INO80: variants seen among roughly 807,000 people sequenced by gnomAD.
The protein encoded by INO80 is INO80 complex ATPase subunit.
Under a neutral mutation model 203.4 loss-of-function variants are expected in INO80, and 20 were observed. The observed-to-expected ratio is 0.10, with a 90% confidence interval of 0.07 to 0.14. The LOEUF (loss-of-function observed/expected upper bound fraction) is 0.14. INO80 is among the 10% of genes least tolerant of loss of function. INO80 has a pLI of 1.00. For synonymous variants in INO80, 726 were observed against 685.2 expected (o/e 1.06, Z -0.93); for missense variants, 1,419 against 1,914.4 (o/e 0.74, Z 4.83).
chr15:40,980,416 T>C lies in INO80; in HGVS notation c.4478A>G (p.Gln1493Arg). Reference protein sequence around the residue: ...SKGISASSPLQTSLVRPAGLA... With the variant: ...SKGISASSPLRTSLVRPAGLA... ...GCCAGCAGGCCGAACAAGGGATGTC[T>C]GCAGAGGACTGCTGGCGGAGATTCC... The change falls in exon 36 of 36, where the codon CAG (glutamine) becomes CGG (arginine). Residue 1493 changes from glutamine (Q) to arginine (R), a missense_variant. Physicochemically the swap from Gln to Arg is conservative, Grantham distance 43. Coordinates refer to ENST00000648947, the MANE Select transcript of INO80 (RefSeq NM_017553.3). 6.2e-7 allele frequency: 1 copy of C among 1,613,422 alleles called. No individual in the cohort carries two copies. The highest frequency in any genetic ancestry group is 8.5e-7 in the Non-Finnish European group (1 of 1,179,932).
chr15:41,077,428 C>G (rs1361480997), intron 9 of INO80, among the ~76,000 whole-genome samples: 7 of 149,564 alleles, frequency 4.7e-5, no homozygotes, highest in Non-Finnish European at 3.0e-5. Context: ...GTAAAACTAT[C>G]CTGTCTCTTT....
intron 23 of INO80, among the ~76,000 whole-genome samples, chr15:41,047,045 G>A (rs553510873): frequency 6.6e-6 from 1 of 151,732 alleles, no homozygotes; most frequent in East Asian, 1.9e-4. Flanking sequence ...TCAGCTCACG[G>A]CAACCTCCAC....
chr15:41,061,954 C>G (rs1435210379), intron 14 of INO80, among the ~76,000 whole-genome samples: 3 of 152,130 alleles, frequency 2.0e-5, no homozygotes, highest in South Asian at 2.1e-4. Flanking sequence ...TTTTCTTTCT[C>G]CTTATCCCTG....
At position 41,016,232 on chromosome 15, in the gene INO80, G is replaced by C. The variant is rs973833176; in HGVS notation, c.3275-17C>G. The C allele has an allele frequency of 1.9e-6, 3 of 1,611,662 alleles. No homozygotes were observed. Among genetic ancestry groups the C allele is most frequent in the Non-Finnish European group, 2.5e-6 (3 of 1,178,944 alleles). On this transcript the variant is annotated splice_polypyrimidine_tract_variant and intron_variant, in intron 26 of 35. Coordinates refer to ENST00000648947, the MANE Select transcript of INO80 (RefSeq NM_017553.3). ...TCTCCTTGCCTGGGGAGAAGAAAAGGGGGTGAGGGGGAACTGTATTTAATT... is the reference window on the plus strand; with the variant it reads ...TCTCCTTGCCTGGGGAGAAGAAAAGCGGGTGAGGGGGAACTGTATTTAATT...
At chr15:41,065,079 G>A (rs184776509) in intron 14 of INO80, among the ~76,000 whole-genome samples, 16 of 152,218 alleles carry the variant, frequency 1.1e-4, no homozygotes, top group Middle Eastern at 3.4e-3. Context: ...CACATTCTAT[G>A]AAAGTTTATT....
intron 29 of INO80, among the ~76,000 whole-genome samples, chr15:40,989,772 G>A (rs1566901027): frequency 6.6e-6 from 1 of 152,164 alleles, no homozygotes; most frequent in African/African-American, 2.4e-5. Flanking sequence ...CTGCTATAGA[G>A]AGCCAACTTT....
chr15:41,113,822 T>C (rs2045989747), intron 1 of INO80, among the ~76,000 whole-genome samples: 1 of 152,380 alleles, frequency 6.6e-6, no homozygotes, highest in Non-Finnish European at 1.5e-5. Flanking sequence ...AAAATGTTTT[T>C]ATTAGTCATA....
chr15:41,003,225 C>T (rs991433006), intron 28 of INO80, among the ~76,000 whole-genome samples: 1 of 151,744 alleles, frequency 6.6e-6, no homozygotes. Context: ...ATACAAAATC[C>T]CACCTATAAT....
intron 18 of INO80, among the ~76,000 whole-genome samples, chr15:41,054,826 C>A (rs972170329): frequency 6.6e-6 from 1 of 152,108 alleles, no homozygotes; most frequent in African/African-American, 2.4e-5. Flanking sequence ...TTTGTAGAGA[C>A]AGGGTTTCAC....
At chr15:40,983,542 A>G (rs1434503369) in intron 34 of INO80, among the ~76,000 whole-genome samples, 1 of 152,232 alleles carries the variant, frequency 6.6e-6, no homozygotes, top group Non-Finnish European at 1.5e-5. Flanking sequence ...ATCAGCAAAA[A>G]TAATGGTGAA....
At chr15:41,067,423 C>T (rs2045240303) in intron 14 of INO80, among the ~76,000 whole-genome samples, 1 of 151,148 alleles carries the variant, frequency 6.6e-6, no homozygotes, top group Non-Finnish European at 1.5e-5. Context: ...TACTGAACAT[C>T]ATATGAAAAA....
rs191108859 is a variant in INO80 at position 41,092,711 on chromosome 15, C to A, written c.382-529G>T. Among the ~76,000 whole-genome samples, 410 of 152,206 alleles carry A rather than the reference C, an allele frequency of 2.7e-3. 3 individuals carry two copies. Among genetic ancestry groups the A allele is most frequent in the South Asian group, 0.013 (62 of 4,816 alleles). On this transcript the variant is annotated intron_variant, in intron 4 of 35. Transcript: ENST00000648947. ...TGAAGAATCTTGAAAATATTATGCT[C>A]AATTAAAGAAGTCAATCATAAAAGG...
intron 1 of INO80, 135 bp downstream of exon 1, chr15:41,115,838 A>G: frequency 2.7e-6 from 1 of 370,238 alleles, no homozygotes; most frequent in Non-Finnish European, 4.8e-6. Context: ...CATCCTCCAT[A>G]CTAACCCCAA....
chr15:41,076,309 G>A (rs12903280), intron 9 of INO80, among the ~76,000 whole-genome samples: 11 of 152,018 alleles, frequency 7.2e-5, no homozygotes, highest in Non-Finnish European at 1.2e-4. Context: ...GCAGTGAGCC[G>A]AGGTCACGCC....
intron 29 of INO80, among the ~76,000 whole-genome samples, chr15:40,988,394 A>G (rs2043770025): frequency 1.3e-5 from 2 of 152,242 alleles, no homozygotes; most frequent in South Asian, 2.1e-4. Context: ...CATATTTTGT[A>G]GTTTAGGAGA....
At chr15:41,040,885 A>C (rs2044655426) in intron 24 of INO80, among the ~76,000 whole-genome samples, 2 of 152,210 alleles carry the variant, frequency 1.3e-5, no homozygotes. Flanking sequence ...AGAAAAATAC[A>C]GTCAGCCCAA....
chr15:40,999,303 C>T (rs986803495), intron 28 of INO80: 4 of 152,214 alleles, frequency 2.6e-5, no homozygotes, highest in African/African-American at 7.2e-5. Flanking sequence ...CACTTGACTG[C>T]TGACAGTCTG....
At chr15:41,064,921 C>T (rs574297044) in intron 14 of INO80, among the ~76,000 whole-genome samples, 3 of 151,870 alleles carry the variant, frequency 2.0e-5, no homozygotes, top group Non-Finnish European at 2.9e-5. Flanking sequence ...TGCTTGAACC[C>T]GGAGGAGGCA....
chr15:41,041,732 C>A (rs1176808571), intron 24 of INO80, among the ~76,000 whole-genome samples: 2 of 152,094 alleles, frequency 1.3e-5, no homozygotes, highest in African/African-American at 4.8e-5. Flanking sequence ...GCATGAGCCA[C>A]TGTACCCAGC....
Sources: allele counts gnomAD v4.1 joint callset (sites outside exome capture counted in the v4.1 genomes callset), GRCh38; gene constraint gnomAD v4.1.1; transcripts MANE v1.5; gene names NCBI Gene and HGNC (gene_info 2026-07-23, HGNC 2026-07-21).